VMP1: variants seen among roughly 807,000 people sequenced by gnomAD.
The protein encoded by VMP1 is ectopic P-granules autophagy protein 3 homolog.
In VMP1, 11 loss-of-function variants were observed where a neutral mutation model predicts 56.0. The observed-to-expected ratio is 0.20, with a 90% CI of 0.12 to 0.32. The LOEUF is 0.32. Ranked by LOEUF, VMP1 falls within the 10% of genes least tolerant of loss-of-function variation. VMP1 has a pLI of 1.00. For synonymous variants in VMP1, 149 were observed against 165.0 expected (o/e 0.90, Z 0.74); for missense variants, 296 against 490.3 (o/e 0.60, Z 3.74).
intron 7 of VMP1, among the ~76,000 whole-genome samples, chr17:59,789,754 G>T (rs1258013449): frequency 6.7e-6 from 1 of 150,118 alleles, no homozygotes; most frequent in Admixed American, 6.6e-5. Context: ...AATTAGCCAA[G>T]ATATTTTGTT....
chr17:59,764,196 G>GT (rs550126748), intron 5 of VMP1, among the ~76,000 whole-genome samples: 11 of 152,086 alleles, frequency 7.2e-5, no homozygotes, highest in African/African-American at 1.7e-4. Context: ...GGCTCAGGAA[G>GT]TTTTTTTTAA....
chr17:59,836,455 C>T (rs2038984298), intron 10 of VMP1, among the ~76,000 whole-genome samples: 1 of 152,080 alleles, frequency 6.6e-6, no homozygotes, highest in African/African-American at 2.4e-5. Flanking sequence ...ATCTTGGCCT[C>T]CCAAAGTGCT....
chr17:59,789,790 C>CTCTT (rs1217394753), intron 7 of VMP1, among the ~76,000 whole-genome samples: 1 of 147,526 alleles, frequency 6.8e-6, no homozygotes, highest in Non-Finnish European at 1.5e-5. Context: ...GCAGTTCTTT[C>CTCTT]TCTTTCTTTT....
intron 1 of VMP1, among the ~76,000 whole-genome samples, chr17:59,719,645 T>C (rs2034317059): frequency 6.6e-6 from 1 of 152,222 alleles, no homozygotes; most frequent in Non-Finnish European, 1.5e-5. Context: ...TTTTATCATG[T>C]TATCCATAAA....
chr17:59,751,327 C>T (rs1009126762), intron 5 of VMP1, among the ~76,000 whole-genome samples: 2 of 152,058 alleles, frequency 1.3e-5, no homozygotes, highest in Non-Finnish European at 1.5e-5. Context: ...TCTCATGTAG[C>T]GGAAATTATA....
rs78049429 is a variant in VMP1, at chr17:59,759,745, G to C, written c.415-5226G>C. ...AGTGTCTGCCTGAATTTATACATTT[G>C]GTCCATTTGCAATTAATGTAGTTAT... On this transcript the variant is annotated intron_variant, in intron 5 of 11. Coordinates refer to ENST00000262291, the MANE Select transcript of VMP1 (RefSeq NM_030938.5). Among the ~76,000 whole-genome samples the C allele has an allele frequency of 7.1e-3, 1,085 of 151,970 alleles. 16 individuals carry two copies. The highest frequency in any genetic ancestry group is 0.025 in the African/African-American group (1,053 of 41,466).
At chr17:59,761,961 CT>C (rs1323547844) in intron 5 of VMP1, among the ~76,000 whole-genome samples, 1 of 152,142 alleles carries the variant, frequency 6.6e-6, no homozygotes, top group Non-Finnish European at 1.5e-5. Context: ...GGCTCTTGCT[CT>C]TTTGACCATG....
At position 59,773,735 on chromosome 17, in the gene VMP1, A is replaced by C. The variant is rs2036520741; in HGVS notation, c.583-19A>C. 1 of 1,582,894 alleles carries C rather than the reference A, an allele frequency of 6.3e-7. No individual in the cohort carries two copies. The highest frequency in any genetic ancestry group is 8.6e-7 in the Non-Finnish European group (1 of 1,165,770). On this transcript the variant is annotated intron_variant, in intron 6 of 11. Transcript: ENST00000262291. Reference sequence around the variant, plus strand: ...TTGATAACAGAACCTCATTGTAAGTATTTTGGTTTTTCACCTAGGGTATCG... The same window carrying C: ...TTGATAACAGAACCTCATTGTAAGTCTTTTGGTTTTTCACCTAGGGTATCG...
intron 10 of VMP1, among the ~76,000 whole-genome samples, chr17:59,824,121 G>A (rs980307668): frequency 6.6e-6 from 1 of 151,848 alleles, no homozygotes; most frequent in African/African-American, 2.4e-5. Flanking sequence ...CATGGTGGCA[G>A]GCACCTGTCG....
chr17:59,799,010 C>T (rs977888693), intron 7 of VMP1, among the ~76,000 whole-genome samples: 9 of 152,170 alleles, frequency 5.9e-5, no homozygotes, highest in African/African-American at 1.9e-4. Context: ...GAAACCCAAA[C>T]TGAATTTTGT....
intron 4 of VMP1, among the ~76,000 whole-genome samples, chr17:59,738,026 C>T (rs2035081329): frequency 6.6e-6 from 1 of 152,062 alleles, no homozygotes; most frequent in Non-Finnish European, 1.5e-5. Flanking sequence ...GCTGCCTTGG[C>T]CTCCAAAAAT....
chr17:59,801,976 A>G (rs778801950), intron 7 of VMP1, among the ~76,000 whole-genome samples: 10 of 152,052 alleles, frequency 6.6e-5, no homozygotes, highest in Non-Finnish European at 1.2e-4. Context: ...CAAGGTGGGC[A>G]GATCACTTGA....
chr17:59,737,424 G>A (rs2035056615), intron 3 of VMP1, 29 bp from the exon 4 acceptor site: 3 of 1,589,550 alleles, frequency 1.9e-6, no homozygotes, highest in Non-Finnish European at 2.6e-6. Context: ...GAGACTGTGA[G>A]ATATTTATTT....
intron 8 of VMP1, among the ~76,000 whole-genome samples, chr17:59,809,867 T>C (rs544552309): frequency 6.6e-6 from 1 of 152,224 alleles, no homozygotes; most frequent in South Asian, 2.1e-4. Context: ...TTTATTGGCT[T>C]TTAAGTATTT....
chr17:59,737,626 T>TTTC, intron 4 of VMP1, 83 bp downstream of exon 4: 1 of 1,228,024 alleles, frequency 8.1e-7, no homozygotes, highest in African/African-American at 1.5e-5. Context: ...GAATGTGGGT[T>TTTC]TTATAGAATT....
chr17:59,813,113 C>G lies in VMP1; in HGVS notation c.912+1327C>G, dbSNP rs1019519807. Among the ~76,000 whole-genome samples, 34 of 152,088 alleles carry G rather than the reference C, an allele frequency of 2.2e-4. 1 individual carries two copies. The highest frequency in any genetic ancestry group is 7.4e-5 in the Non-Finnish European group (5 of 68,008). ...TCCAGTTTATAATCTTAGATTTTGG[C>G]ATTTGGGTCAAGTTTATTGCGTCTG... is the stretch of plus-strand genomic sequence containing the variant. On this transcript the variant is annotated intron_variant, in intron 9 of 11. Coordinates refer to ENST00000262291, the MANE Select transcript of VMP1 (RefSeq NM_030938.5).
At chr17:59,789,031 C>G (rs1411448506) in intron 7 of VMP1, among the ~76,000 whole-genome samples, 2 of 151,244 alleles carry the variant, frequency 1.3e-5, no homozygotes, top group Admixed American at 1.3e-4. Flanking sequence ...TGGCTCATGC[C>G]TGTAATCCTA....
chr17:59,794,578 C>G (rs555873050), intron 7 of VMP1, among the ~76,000 whole-genome samples: 1 of 110,168 alleles, frequency 9.1e-6, no homozygotes, highest in Non-Finnish European at 1.7e-5. Flanking sequence ...GGGAGAGAGA[C>G]AGAGGGAAAG....
intron 7 of VMP1, among the ~76,000 whole-genome samples, chr17:59,806,650 G>C (rs559969064): frequency 4.2e-4 from 62 of 148,614 alleles, no homozygotes; most frequent in African/African-American, 1.4e-3. Context: ...GGGAGGCAGA[G>C]TTTGCAGTGA....
Sources: gnomAD v4.1 joint callset for allele counts (sites outside exome capture counted in the v4.1 genomes callset) on GRCh38, gnomAD v4.1.1 for gene constraint, MANE v1.5 for transcripts, NCBI Gene and HGNC (gene_info 2026-07-23, HGNC 2026-07-21) for gene names.